The following CSMD1 variants were observed in gnomAD, a reference collection of about 807,000 sequenced individuals.
CSMD1 encodes CUB and sushi domain-containing protein 1.
In CSMD1, 213 loss-of-function variants were observed where a neutral mutation model predicts 417.5. That is an observed-to-expected ratio of 0.51 (90% CI 0.46 to 0.57). The LOEUF is 0.57. Ranked by LOEUF, CSMD1 falls within the 20% of genes least tolerant of loss-of-function variation. The pLI is 0.00. For synonymous variants in CSMD1, 2,862 were observed against 1,736.8 expected, an observed-to-expected ratio of 1.65 and a Z score of -16.11; for missense variants, 6,923 against 4,529.7, an observed-to-expected ratio of 1.53 and a Z score of -15.17.
chr8:3,660,450 T>A (rs950814236), intron 7 of CSMD1, among the ~76,000 whole-genome samples: 2 of 149,836 alleles, frequency 1.3e-5, no homozygotes, highest in African/African-American at 4.9e-5. Context: ...AGTAAGAATT[T>A]ATATGTAAAC....
intron 23 of CSMD1, among the ~76,000 whole-genome samples, chr8:3,315,980 G>C (rs1584986677): frequency 6.6e-6 from 1 of 152,144 alleles, no homozygotes; most frequent in Admixed American, 6.5e-5. Context: ...TCAATTCTGA[G>C]ACGTCTCAGT....
At chr8:3,340,020 G>C (rs1224501078) in intron 23 of CSMD1, among the ~76,000 whole-genome samples, 1 of 152,116 alleles carries the variant, frequency 6.6e-6, no homozygotes, top group Non-Finnish European at 1.5e-5. Flanking sequence ...TATTTATTCC[G>C]ATTTGGCCCA....
At chr8:4,681,341 G>C (rs901003602) in intron 1 of CSMD1, among the ~76,000 whole-genome samples, 3 of 152,120 alleles carry the variant, frequency 2.0e-5, no homozygotes, top group Admixed American at 1.3e-4. Context: ...AAGTGGTGTT[G>C]AAACCACCAA....
chr8:3,429,936 T>A (rs1180055187), intron 12 of CSMD1, among the ~76,000 whole-genome samples: 3 of 152,178 alleles, frequency 2.0e-5, no homozygotes, highest in African/African-American at 7.2e-5. Flanking sequence ...TTTCTTATAT[T>A]TGTCAATCTC....
rs1160925961 is a variant in CSMD1, at chr8:3,427,093, A to C, written c.1562-17488T>G. On this transcript the variant is annotated intron_variant, in intron 12 of 69. Coordinates refer to ENST00000635120, the MANE Select transcript of CSMD1 (RefSeq NM_033225.6). ...CAGCAGCATAGTGGAAACCATCCCCATGATTCGATCACTCTACTTGGCCTC... is the reference window on the plus strand; with the variant it reads ...CAGCAGCATAGTGGAAACCATCCCCCTGATTCGATCACTCTACTTGGCCTC... 4.6e-5 allele frequency among the ~76,000 whole-genome samples: 7 copies of C among 152,194 alleles called. 1 individual carries two copies. The highest frequency in any genetic ancestry group is 2.1e-4 in the South Asian group (1 of 4,830).
intron 3 of CSMD1, among the ~76,000 whole-genome samples, chr8:4,042,804 G>A (rs896534297): frequency 3.4e-5 from 2 of 59,118 alleles, no homozygotes; most frequent in Non-Finnish European, 6.9e-5. Context: ...AGGTGAAGTG[G>A]TACAACATAT....
intron 3 of CSMD1, among the ~76,000 whole-genome samples, chr8:4,284,976 T>A (rs1796984016): frequency 1.3e-5 from 2 of 152,194 alleles, no homozygotes. Flanking sequence ...TCACCTCGCC[T>A]CACCATGCCT....
At chr8:3,530,767 G>A (rs1797946594) in intron 10 of CSMD1, among the ~76,000 whole-genome samples, 1 of 152,036 alleles carries the variant, frequency 6.6e-6, no homozygotes, top group Non-Finnish European at 1.5e-5. Context: ...GACCTCAGGT[G>A]ATTCTCCTGC....
intron 3 of CSMD1, among the ~76,000 whole-genome samples, chr8:4,121,161 C>A (rs150690221): frequency 6.6e-6 from 1 of 152,106 alleles, no homozygotes; most frequent in Non-Finnish European, 1.5e-5. Context: ...GTTGTCCAGG[C>A]TGGAGTGCAA....
At chr8:4,906,700 G>A (rs539270653) in intron 1 of CSMD1, among the ~76,000 whole-genome samples, 5 of 152,208 alleles carry the variant, frequency 3.3e-5, no homozygotes, top group South Asian at 4.2e-4. Context: ...GGGACTACAG[G>A]CGCATGCCAC....
At chr8:4,128,808 C>CA (rs1238603373) in intron 3 of CSMD1, among the ~76,000 whole-genome samples, 2 of 152,212 alleles carry the variant, frequency 1.3e-5, no homozygotes, top group Admixed American at 1.3e-4. Context: ...TATCCTAGTG[C>CA]AAGTAGGGTA....
chr8:4,431,325 T>G (rs532046970), intron 2 of CSMD1, among the ~76,000 whole-genome samples: 3 of 152,206 alleles, frequency 2.0e-5, no homozygotes, highest in African/African-American at 7.2e-5. Flanking sequence ...GTGATTTTCT[T>G]AAGGGTGAAC....
chr8:3,850,311 G>C (rs898449535), intron 5 of CSMD1, among the ~76,000 whole-genome samples: 2 of 152,162 alleles, frequency 1.3e-5, no homozygotes, highest in Non-Finnish European at 2.9e-5. Context: ...CAATAGCTTT[G>C]TTTTCCATAG....
chr8:3,371,003 A>C (rs536344503), intron 18 of CSMD1, among the ~76,000 whole-genome samples: 1 of 151,954 alleles, frequency 6.6e-6, no homozygotes, highest in African/African-American at 2.4e-5. Context: ...GTAAAGAAAA[A>C]TTTTATCTTT....
intron 5 of CSMD1, among the ~76,000 whole-genome samples, chr8:3,796,433 T>G (rs143897899): frequency 0.32 from 15,702 of 48,426 alleles, 3,983 homozygotes; most frequent in Middle Eastern, 0.55. Context: ...TATAGATATA[T>G]ATATCTATCG....
intron 7 of CSMD1, among the ~76,000 whole-genome samples, chr8:3,648,810 C>T (rs1797704889): frequency 7.3e-6 from 1 of 137,238 alleles, no homozygotes; most frequent in Non-Finnish European, 1.7e-5. Context: ...GCACCCCTCT[C>T]AGAACATGAC....
intron 5 of CSMD1, among the ~76,000 whole-genome samples, chr8:3,777,486 A>G (rs1462650518): frequency 2.6e-5 from 4 of 152,148 alleles, no homozygotes; most frequent in Admixed American, 6.5e-5. Flanking sequence ...CTACTCTAAG[A>G]GATGATGGGC....
At chr8:4,909,260 T>G (rs1487560069) in intron 1 of CSMD1, among the ~76,000 whole-genome samples, 2 of 152,132 alleles carry the variant, frequency 1.3e-5, no homozygotes, top group African/African-American at 4.8e-5. Context: ...TAGCTGTGAG[T>G]CTTTTAGTGA....
intron 10 of CSMD1, among the ~76,000 whole-genome samples, chr8:3,508,570 C>T (rs1796933037): frequency 1.3e-5 from 2 of 151,972 alleles, no homozygotes; most frequent in African/African-American, 4.8e-5. Flanking sequence ...TGAAAAGATT[C>T]AGATGAATGA....
Sources: gnomAD v4.1 joint callset for allele counts (sites outside exome capture counted in the v4.1 genomes callset) on GRCh38, gnomAD v4.1.1 for gene constraint, MANE v1.5 for transcripts, NCBI Gene and HGNC (gene_info 2026-07-23, HGNC 2026-07-21) for gene names.